The following DNAH6 variants were observed in gnomAD, a reference collection of about 807,000 sequenced individuals.
DNAH6 encodes the protein dynein axonemal heavy chain 6.
DNAH6 carries 340 observed loss-of-function variants against 491.4 expected under a neutral mutation model. The ratio of observed to expected loss-of-function variants is 0.69; its 90% CI spans 0.63 to 0.76. The LOEUF (loss-of-function observed/expected upper bound fraction) is 0.76, where lower values mean the gene tolerates loss of function less well. Among genes scored for constraint, DNAH6 ranks in the 30% least tolerant of loss-of-function variants. DNAH6 has a pLI of 0.00. For synonymous variants in DNAH6, 1,603 were observed against 1,686.1 expected, an observed-to-expected ratio of 0.95 and a Z score of 1.21; for missense variants, 4,443 against 4,972.2, an observed-to-expected ratio of 0.89 and a Z score of 3.20.
intron 62 of DNAH6, among the ~76,000 whole-genome samples, chr2:84,734,767 A>G (rs1699401943): frequency 6.6e-6 from 1 of 152,176 alleles, no homozygotes; most frequent in Non-Finnish European, 1.5e-5. Context: ...TTCCCATTAT[A>G]CTTTGTGAAA....
chr2:84,677,590 C>G (rs1693369245), intron 41 of DNAH6, among the ~76,000 whole-genome samples: 1 of 152,220 alleles, frequency 6.6e-6, no homozygotes, highest in Admixed American at 6.5e-5. Context: ...TCCTTGGCCA[C>G]TCTCGCTAAG....
chr2:84,730,130 G>C (rs1025851173), intron 61 of DNAH6, among the ~76,000 whole-genome samples: 5 of 152,176 alleles, frequency 3.3e-5, no homozygotes, highest in Non-Finnish European at 5.9e-5. Context: ...GGATGCACTA[G>C]ATAAAGAAAA....
At chr2:84,535,405 A>T (rs754444212) in intron 4 of DNAH6, among the ~76,000 whole-genome samples, 2 of 152,022 alleles carry the variant, frequency 1.3e-5, no homozygotes, top group Non-Finnish European at 2.9e-5. Flanking sequence ...TTATTTGTAT[A>T]AAAATGTTAT....
chr2:84,605,735 C>A, intron 20 of DNAH6, 143 bp downstream of exon 20: 1 of 581,628 alleles, frequency 1.7e-6, no homozygotes, highest in South Asian at 2.5e-5. Context: ...AAAATGAATG[C>A]AAATAATTGA....
At chr2:84,613,915 C>A (rs1686574917) in intron 22 of DNAH6, among the ~76,000 whole-genome samples, 1 of 152,020 alleles carries the variant, frequency 6.6e-6, no homozygotes, top group African/African-American at 2.4e-5. Context: ...CTTTTAAAAT[C>A]TTAACAGTAT....
intron 76 of DNAH6, among the ~76,000 whole-genome samples, chr2:84,816,974 T>C (rs1427179957): frequency 6.6e-6 from 1 of 152,170 alleles, no homozygotes; most frequent in Non-Finnish European, 1.5e-5. Flanking sequence ...TTTCTTGTTT[T>C]CTAGGTAACC....
At chr2:84,466,738 A>T in the DNAH6 span, among the ~76,000 whole-genome samples, 1 of 152,260 alleles carries the variant, frequency 6.6e-6, no homozygotes, top group Non-Finnish European at 1.5e-5. Context: ...TTAGAGTTCT[A>T]TAATTGATTA....
At chr2:84,524,915 T>C (rs913448035) in intron 2 of DNAH6, among the ~76,000 whole-genome samples, 1 of 152,086 alleles carries the variant, frequency 6.6e-6, no homozygotes. Flanking sequence ...TCAAAAGGGA[T>C]TTTTATCTAA....
intron 55 of DNAH6, among the ~76,000 whole-genome samples, 184 bp from the exon 56 acceptor site, chr2:84,710,098 AAAGAG>A (rs1345621790): frequency 9.9e-5 from 15 of 152,220 alleles, no homozygotes; most frequent in African/African-American, 3.6e-4. Context: ...ACATCTAAAC[AAAGAG>A]AAGAGTCCCA....
the DNAH6 span, among the ~76,000 whole-genome samples, chr2:84,480,907 G>A: frequency 6.6e-6 from 1 of 151,542 alleles, no homozygotes; most frequent in Admixed American, 6.6e-5. Context: ...AGGTTGCAGT[G>A]AGCTAAAATT....
At chr2:84,589,285 T>C (rs1683867241) in intron 16 of DNAH6, among the ~76,000 whole-genome samples, 1 of 152,228 alleles carries the variant, frequency 6.6e-6, no homozygotes, top group African/African-American at 2.4e-5. Flanking sequence ...CTTTCTTAAG[T>C]AATATTCAGG....
chr2:84,558,023 A>G, intron 11 of DNAH6, 88 bp downstream of exon 11: 1 of 863,388 alleles, frequency 1.2e-6, no homozygotes, highest in Non-Finnish European at 1.7e-6. Flanking sequence ...TTATCTTTAA[A>G]TGTTCTACAT....
At chr2:84,791,536 A>G (rs1483593493) in intron 68 of DNAH6, among the ~76,000 whole-genome samples, 1 of 151,972 alleles carries the variant, frequency 6.6e-6, no homozygotes, top group African/African-American at 2.4e-5. Flanking sequence ...AGACATGAGG[A>G]CTGACTGCAA....
intron 65 of DNAH6, among the ~76,000 whole-genome samples, chr2:84,783,670 G>A (rs57155835): frequency 0.052 from 7,882 of 152,266 alleles, 274 homozygotes; most frequent in African/African-American, 0.099. Flanking sequence ...AGGGCCTAGT[G>A]TACCATGTAT....
chr2:84,670,112 A>G (rs546268448), intron 38 of DNAH6, among the ~76,000 whole-genome samples: 5 of 152,362 alleles, frequency 3.3e-5, no homozygotes, highest in South Asian at 2.1e-4. Flanking sequence ...ATGAAACTAA[A>G]TTAAAACTTT....
At chr2:84,520,013 A>G (rs1675993115) in intron 2 of DNAH6, among the ~76,000 whole-genome samples, 1 of 64,026 alleles carries the variant, frequency 1.6e-5, no homozygotes, top group East Asian at 9.2e-4. Flanking sequence ...ACATTCCATA[A>G]TTTACTAAAT....
At chr2:84,624,081 A>G (rs558051610) in intron 26 of DNAH6, among the ~76,000 whole-genome samples, 184 bp from the exon 27 acceptor site, 4 of 152,220 alleles carry the variant, frequency 2.6e-5, no homozygotes, top group African/African-American at 7.2e-5. Context: ...TAAAGACAGT[A>G]TATATTTCAC....
intron 29 of DNAH6, among the ~76,000 whole-genome samples, chr2:84,632,137 A>G (rs993787289): frequency 6.6e-6 from 1 of 152,212 alleles, no homozygotes; most frequent in Non-Finnish European, 1.5e-5. Context: ...GTATTTGTTA[A>G]CCAGTCAGTC....
In DNAH6 at chr2:84,699,688, T is replaced by C; in HGVS notation, c.7772T>C (p.Met2591Thr). The C allele has an allele frequency of 1.9e-6, 3 of 1,551,762 alleles. No homozygotes were observed. The highest frequency in any genetic ancestry group is 2.6e-6 in the Non-Finnish European group (3 of 1,146,996). ...GAGGCCTTTCGGTCCCGATGCAGGATGTTTCCATCCCTTGTGAATTGCTGC... is the reference window on the plus strand; with the variant it reads ...GAGGCCTTTCGGTCCCGATGCAGGACGTTTCCATCCCTTGTGAATTGCTGC... ...VGEAFRSRCR[M>T]FPSLVNCCTI... The change falls in exon 48 of 77, where the codon ATG (methionine) becomes ACG (threonine). Residue 2591 changes from methionine to threonine, a missense_variant. Around this residue, in one of 3 missense-constraint regions of DNAH6, gnomAD observed 2,977 missense variants for 3,296.6 expected, o/e 0.90. Transcript: ENST00000389394.
Sources: allele counts gnomAD v4.1 joint callset (sites outside exome capture counted in the v4.1 genomes callset), GRCh38; gene constraint gnomAD v4.1.1; regional missense constraint gnomAD v4.1.1; transcripts MANE v1.5; gene names NCBI Gene and HGNC (gene_info 2026-07-23, HGNC 2026-07-21).